ADAMTS14: variants seen among roughly 807,000 people sequenced by gnomAD.
The protein encoded by ADAMTS14 is A disintegrin and metalloproteinase with thrombospondin motifs 14.
Under a neutral mutation model 128.6 loss-of-function variants are expected in ADAMTS14, and 100 were observed. That is an observed-to-expected ratio of 0.78 (90% CI 0.66 to 0.92). The LOEUF (loss-of-function observed/expected upper bound fraction) is 0.92. ADAMTS14 is among the 40% of genes least tolerant of loss of function. ADAMTS14 has a pLI of 0.00. For synonymous variants in ADAMTS14, 665 were observed against 653.8 expected, an observed-to-expected ratio of 1.02 and a Z score of -0.26; for missense variants, 1,562 against 1,658.6, an observed-to-expected ratio of 0.94 and a Z score of 1.01.
intron 2 of ADAMTS14, among the ~76,000 whole-genome samples, chr10:70,684,419 G>A (rs1453440513): frequency 1.3e-5 from 2 of 152,236 alleles, no homozygotes; most frequent in African/African-American, 4.8e-5. Context: ...TTTTCCAAGA[G>A]TGGGGAAATG....
At chr10:70,743,401 G>T in intron 12 of ADAMTS14, 147 bp from the exon 13 acceptor site, 1 of 887,516 alleles carries the variant, frequency 1.1e-6, no homozygotes, top group African/African-American at 1.8e-5. Flanking sequence ...GACACAGCAG[G>T]GATTTTCAGC....
chr10:70,701,400 A>G (rs1355784343), intron 2 of ADAMTS14, among the ~76,000 whole-genome samples: 8 of 152,236 alleles, frequency 5.3e-5, no homozygotes, highest in Non-Finnish European at 8.8e-5. Flanking sequence ...GAATTCAACA[A>G]ATATTTATTT....
At chr10:70,750,010 A>G in intron 16 of ADAMTS14, 25 bp downstream of exon 16, 1 of 1,609,130 alleles carries the variant, frequency 6.2e-7, no homozygotes, top group African/African-American at 1.3e-5. Flanking sequence ...GTGCGGTGGC[A>G]ACCCCTGCCC....
At chr10:70,752,004 A>G in intron 17 of ADAMTS14, 91 bp from the exon 18 acceptor site, 1 of 1,519,858 alleles carries the variant, frequency 6.6e-7, no homozygotes, top group Non-Finnish European at 8.8e-7. Flanking sequence ...ATTGGCCCAC[A>G]AGGCTCTCCA....
chr10:70,703,539 G>T (rs10823599), intron 3 of ADAMTS14, among the ~76,000 whole-genome samples: 36,982 of 152,126 alleles, frequency 0.24, 5,715 homozygotes, highest in East Asian at 0.69. Context: ...GGAGGGCAGG[G>T]CTGGCGGGGC....
intron 2 of ADAMTS14, among the ~76,000 whole-genome samples, chr10:70,685,470 C>T (rs1364684431): frequency 6.6e-6 from 1 of 152,218 alleles, no homozygotes; most frequent in East Asian, 1.9e-4. Context: ...TTCCACCATT[C>T]GCCCTGACTT....
At chr10:70,735,600 G>A (rs150289972) in intron 9 of ADAMTS14, among the ~76,000 whole-genome samples, 1 of 152,332 alleles carries the variant, frequency 6.6e-6, no homozygotes, top group Non-Finnish European at 1.5e-5. Context: ...TTCCAGATAA[G>A]TTGTTGGGCT....
chr10:70,692,058 C>T (rs951995767), intron 2 of ADAMTS14, among the ~76,000 whole-genome samples: 1 of 151,926 alleles, frequency 6.6e-6, no homozygotes, highest in Non-Finnish European at 1.5e-5. Flanking sequence ...GTCTGAATCA[C>T]CCAGCAGCTT....
intron 6 of ADAMTS14, among the ~76,000 whole-genome samples, chr10:70,731,706 C>A (rs1301986129): frequency 6.6e-6 from 1 of 152,214 alleles, no homozygotes; most frequent in East Asian, 1.9e-4. Flanking sequence ...TTTCCCCTTC[C>A]TCCAGCTCCC....
chr10:70,722,153 A>T (rs1841290027), intron 4 of ADAMTS14, among the ~76,000 whole-genome samples: 1 of 152,112 alleles, frequency 6.6e-6, no homozygotes, highest in African/African-American at 2.4e-5. Flanking sequence ...CATGAAAAAG[A>T]GGAGCCTACT....
chr10:70,727,090 T>G (rs1373476535), intron 4 of ADAMTS14, among the ~76,000 whole-genome samples: 1 of 152,244 alleles, frequency 6.6e-6, no homozygotes, highest in African/African-American at 2.4e-5. Context: ...CTCTGAAGTC[T>G]GCCCATTCAT....
chr10:70,744,258 T>A, intron 14 of ADAMTS14, 69 bp downstream of exon 14: 3 of 1,453,922 alleles, frequency 2.1e-6, no homozygotes, highest in Non-Finnish European at 2.7e-6. Context: ...CAGGGGGCCC[T>A]CCCTCCTTGA....
At chr10:70,675,889 G>A (rs1331353772) in intron 2 of ADAMTS14, among the ~76,000 whole-genome samples, 1 of 152,148 alleles carries the variant, frequency 6.6e-6, no homozygotes, top group African/African-American at 2.4e-5. Context: ...GAAGGGGCCC[G>A]CTTGCTCCTC....
At chr10:70,684,837 C>T (rs897182207) in intron 2 of ADAMTS14, among the ~76,000 whole-genome samples, 9 of 147,958 alleles carry the variant, frequency 6.1e-5, no homozygotes, top group African/African-American at 2.2e-4. Flanking sequence ...GCAGAGGCCC[C>T]GGGCCTGGGT....
chr10:70,719,910 A>C (rs954415132), intron 4 of ADAMTS14, among the ~76,000 whole-genome samples: 8 of 152,226 alleles, frequency 5.3e-5, no homozygotes, highest in Admixed American at 4.6e-4. Flanking sequence ...CGACCTTCAC[A>C]GGCCTCCACA....
rs200753606 is a variant in ADAMTS14 at position 70,758,256 on chromosome 10, C to A, written c.3149C>A (p.Pro1050His). 2 of 1,614,100 alleles carry A rather than the reference C, an allele frequency of 1.2e-6. No homozygotes were observed. The highest frequency in any genetic ancestry group is 1.3e-5 in the African/African-American group (1 of 74,944). Reference sequence around the variant, plus strand: ...GGGCAGTGGGTGCCACAATCTGAACCCCTACATCCCATTAACAAGATATCA... The same window carrying A: ...GGGCAGTGGGTGCCACAATCTGAACACCTACATCCCATTAACAAGATATCA... ...PEGQWVPQSE[P>H]LHPINKISST... The change falls in exon 21 of 22, where the codon CCC becomes CAC. Residue 1050 changes from proline (P) to histidine (H), a missense_variant. Physicochemically the swap from Pro to His is moderately conservative, Grantham distance 77. Coordinates refer to ENST00000373207, the MANE Select transcript of ADAMTS14 (RefSeq NM_080722.4).
At chr10:70,676,742 G>T (rs148032082) in intron 2 of ADAMTS14, among the ~76,000 whole-genome samples, 1 of 152,216 alleles carries the variant, frequency 6.6e-6, no homozygotes, top group Admixed American at 6.5e-5. Flanking sequence ...TGGTCACCCC[G>T]CTGGCTAGAG....
chr10:70,733,768 G>A, intron 7 of ADAMTS14, 117 bp from the exon 8 acceptor site: 1 of 1,316,836 alleles, frequency 7.6e-7, no homozygotes, highest in South Asian at 1.5e-5. Context: ...AGGCCAGGAA[G>A]AGCGATCTGA....
At chr10:70,746,165 T>TC (rs1213531421) in intron 15 of ADAMTS14, among the ~76,000 whole-genome samples, 1 of 152,212 alleles carries the variant, frequency 6.6e-6, no homozygotes, top group African/African-American at 2.4e-5. Flanking sequence ...CTCATTATAA[T>TC]CATACTTAAA....
Sources: allele counts gnomAD v4.1 joint callset (sites outside exome capture counted in the v4.1 genomes callset), GRCh38; gene constraint gnomAD v4.1.1; transcripts MANE v1.5; gene names NCBI Gene and HGNC (gene_info 2026-07-23, HGNC 2026-07-21).